RALYL: variants seen among roughly 807,000 people sequenced by gnomAD.
RALYL encodes the protein RNA-binding Raly-like protein.
In RALYL, 29 loss-of-function variants were observed where a neutral mutation model predicts 35.1. That is an observed-to-expected ratio of 0.83 (90% CI 0.61 to 1.13). The LOEUF is 1.13. Among genes scored for constraint, RALYL ranks in the 50% most tolerant of loss-of-function variants. RALYL has a pLI of 0.00. For synonymous variants in RALYL, 120 were observed against 127.6 expected (o/e 0.94, Z 0.40); for missense variants, 359 against 360.4 (o/e 1.00, Z 0.03).
In RALYL at chr8:84,226,921, A is replaced by G. The variant is rs556764952; in HGVS notation, c.-24+42497A>G. Among the ~76,000 whole-genome samples the G allele has an allele frequency of 2.6e-5, 4 of 152,160 alleles. No homozygotes were observed. In the South Asian group the frequency reaches 8.3e-4, roughly 32 times the overall value. On this transcript the variant is annotated intron_variant, in intron 1 of 8. Coordinates refer to ENST00000521268, the MANE Select transcript of RALYL (RefSeq NM_173848.7). ...GTTAGTTGATCTCAGCTGATGTGTT[A>G]TTAGTGAATTAATGGAGTGGACTAG...
At chr8:84,810,754 CTT>C (rs1825724531) in intron 4 of RALYL, among the ~76,000 whole-genome samples, 1 of 152,120 alleles carries the variant, frequency 6.6e-6, no homozygotes, top group Admixed American at 6.6e-5. Context: ...CTCTTTGTCT[CTT>C]TTAACTGCTG....
chr8:84,396,523 G>A (rs1330054844), intron 1 of RALYL, among the ~76,000 whole-genome samples: 2 of 151,926 alleles, frequency 1.3e-5, no homozygotes, highest in African/African-American at 4.8e-5. Flanking sequence ...CAGACACTGG[G>A]TATATAATCA....
intron 1 of RALYL, among the ~76,000 whole-genome samples, chr8:84,379,665 A>G (rs2131583364): frequency 6.6e-6 from 1 of 151,672 alleles, no homozygotes; most frequent in African/African-American, 2.4e-5. Flanking sequence ...AAACAAACAA[A>G]AAACAAAAAC....
At chr8:84,195,105 G>A (rs968298154) in intron 1 of RALYL, among the ~76,000 whole-genome samples, 2 of 152,090 alleles carry the variant, frequency 1.3e-5, no homozygotes, top group African/African-American at 4.8e-5. Context: ...TAGTGCAATT[G>A]ATTCTGATTC....
chr8:84,470,224 C>A (rs1407395145), intron 1 of RALYL, among the ~76,000 whole-genome samples: 2 of 152,114 alleles, frequency 1.3e-5, no homozygotes, highest in African/African-American at 4.8e-5. Context: ...TGTACACATC[C>A]ACTTGCATAG....
chr8:84,453,686 T>C (rs143941811), intron 1 of RALYL, among the ~76,000 whole-genome samples: 2,512 of 152,128 alleles, frequency 0.017, 70 homozygotes, highest in African/African-American at 0.057. Flanking sequence ...ATTGTCTGAA[T>C]TCAGGGACAC....
intron 1 of RALYL, among the ~76,000 whole-genome samples, chr8:84,471,472 T>C (rs2052742826): frequency 6.7e-6 from 1 of 150,214 alleles, no homozygotes. Context: ...TGTACACATG[T>C]AGTCCTAGCT....
At chr8:84,787,038 C>T (rs764797769) in intron 3 of RALYL, among the ~76,000 whole-genome samples, 1 of 152,078 alleles carries the variant, frequency 6.6e-6, no homozygotes, top group African/African-American at 2.4e-5. Flanking sequence ...ACTTCAAGTT[C>T]TGTGATACAT....
At position 84,247,923 on chromosome 8, in the gene RALYL, T is replaced by G. The variant is rs190420647; in HGVS notation, c.-24+63499T>G. ...ATGACACCAAAGTAGAAACAGTTCT[T>G]CTGTGTATTATGTCAAAGGAATATA... On this transcript the variant is annotated intron_variant, in intron 1 of 8. Transcript: ENST00000521268. Among the ~76,000 whole-genome samples the G allele has an allele frequency of 3.3e-3, 508 of 152,276 alleles. 1 individual carries two copies. The highest frequency in any genetic ancestry group is 0.017 in the Middle Eastern group (5 of 294).
At chr8:84,466,632 T>A (rs1432370917) in intron 1 of RALYL, among the ~76,000 whole-genome samples, 2 of 150,794 alleles carry the variant, frequency 1.3e-5, no homozygotes, top group Non-Finnish European at 3.0e-5. Flanking sequence ...TGCCTGGCTT[T>A]GGTATCAGAA....
intron 2 of RALYL, among the ~76,000 whole-genome samples, chr8:84,657,343 G>A (rs796698223): frequency 1.3e-5 from 2 of 152,236 alleles, no homozygotes; most frequent in African/African-American, 4.8e-5. Context: ...GTGCTTTCAA[G>A]GTAAAAATTT....
At chr8:84,338,465 TAAA>T (rs11371775) in intron 1 of RALYL, among the ~76,000 whole-genome samples, 66 of 137,602 alleles carry the variant, frequency 4.8e-4, no homozygotes, top group African/African-American at 1.5e-3. Flanking sequence ...GTACTGCAAT[TAAA>T]AAAAAAAAAA....
At chr8:84,376,712 C>T (rs1856978553) in intron 1 of RALYL, among the ~76,000 whole-genome samples, 1 of 151,852 alleles carries the variant, frequency 6.6e-6, no homozygotes, top group Non-Finnish European at 1.5e-5. Context: ...TGCAGATTCT[C>T]TTGACCCTGA....
rs182419440 is a variant in RALYL at position 84,606,814 on chromosome 8, A to G, written c.256+77237A>G. Among the ~76,000 whole-genome samples, 38 of 152,284 alleles carry G rather than the reference A, an allele frequency of 2.5e-4. No individual in the cohort carries two copies. In the East Asian group the frequency reaches 6.6e-3, roughly 26 times the overall value. Reference sequence around the variant, plus strand: ...GGCATTAAAGGGCAATATACCATACATATATTTGTTTAAGGTCTTTATATA... The same window carrying G: ...GGCATTAAAGGGCAATATACCATACGTATATTTGTTTAAGGTCTTTATATA... On this transcript the variant is annotated intron_variant, in intron 2 of 8. Coordinates refer to ENST00000521268, the MANE Select transcript of RALYL (RefSeq NM_173848.7).
chr8:84,416,782 G>A (rs953604378), intron 1 of RALYL, among the ~76,000 whole-genome samples: 3 of 152,070 alleles, frequency 2.0e-5, no homozygotes, highest in Non-Finnish European at 4.4e-5. Context: ...ATGCATTCTA[G>A]TTTGGATAGT....
intron 2 of RALYL, among the ~76,000 whole-genome samples, chr8:84,629,153 C>T (rs1823393063): frequency 6.6e-6 from 1 of 151,972 alleles, no homozygotes. Context: ...GTGCATATCA[C>T]CTTCTAATAT....
At chr8:84,854,603 T>A (rs1836591271) in intron 5 of RALYL, among the ~76,000 whole-genome samples, 1 of 152,180 alleles carries the variant, frequency 6.6e-6, no homozygotes. Flanking sequence ...GTTAACCCCA[T>A]GCTGCTTGTT....
At chr8:84,615,684 C>T (rs57897342) in intron 2 of RALYL, among the ~76,000 whole-genome samples, 23,996 of 128,502 alleles carry the variant, frequency 0.19, 2,439 homozygotes, top group Non-Finnish European at 0.22. Context: ...CATGCTGGTG[C>T]GCTGCACCCA....
intron 2 of RALYL, among the ~76,000 whole-genome samples, chr8:84,747,440 GAT>G (rs1337102963): frequency 6.6e-6 from 1 of 151,770 alleles, no homozygotes; most frequent in Non-Finnish European, 1.5e-5. Flanking sequence ...AATTTTAAGA[GAT>G]TGAATTTCTC....
Sources: gnomAD v4.1 joint callset for allele counts (sites outside exome capture counted in the v4.1 genomes callset) on GRCh38, gnomAD v4.1.1 for gene constraint, MANE v1.5 for transcripts, NCBI Gene and HGNC (gene_info 2026-07-23, HGNC 2026-07-21) for gene names.